Variants in DOCK3 observed in about 807,000 individuals in gnomAD.
DOCK3 encodes the protein dedicator of cytokinesis 3.
A neutral mutation model predicts 265.6 loss-of-function variants in DOCK3; 60 were observed. That is an observed-to-expected ratio of 0.23 (90% CI 0.18 to 0.28). The LOEUF (loss-of-function observed/expected upper bound fraction) is 0.28. Among genes scored for constraint, DOCK3 ranks in the 10% least tolerant of loss-of-function variants. The pLI is 1.00. For missense variants in DOCK3, 1,981 were observed against 2,594.3 expected, an observed-to-expected ratio of 0.76 and a Z score of 5.14; for synonymous variants, 881 against 938.0, an observed-to-expected ratio of 0.94 and a Z score of 1.11.
chr3:51,095,605 CCCT>C (rs2082812200), intron 9 of DOCK3, among the ~76,000 whole-genome samples: 1 of 151,830 alleles, frequency 6.6e-6, no homozygotes, highest in African/African-American at 2.4e-5. Context: ...CAAAATGCAG[CCCT>C]TTTAACATTT....
intron 14 of DOCK3, among the ~76,000 whole-genome samples, chr3:51,218,785 G>C (rs1394549595): frequency 6.6e-6 from 1 of 152,118 alleles, no homozygotes; most frequent in South Asian, 2.1e-4. Flanking sequence ...TCCTAAAGCA[G>C]TGGTTGCCGA....
rs188095895 is a variant in DOCK3 at position 50,951,522 on chromosome 3, A to C, written c.315+17445A>C. On this transcript the variant is annotated intron_variant, in intron 5 of 52. Coordinates refer to ENST00000266037, the MANE Select transcript of DOCK3 (RefSeq NM_004947.5). The stretch of plus-strand genomic sequence containing the variant: ...CAATATCAATGTAAAAATGATATTG[A>C]AATCTTGATTTACAGGCAAGCATTT... 5.5e-3 allele frequency among the ~76,000 whole-genome samples: 837 copies of C among 152,296 alleles called. 3 individuals are homozygous for C. The highest frequency in any genetic ancestry group is 0.01 in the Middle Eastern group (3 of 294).
intron 27 of DOCK3, among the ~76,000 whole-genome samples, chr3:51,281,752 T>C (rs2081130427): frequency 6.6e-6 from 1 of 152,200 alleles, no homozygotes; most frequent in Non-Finnish European, 1.5e-5. Flanking sequence ...GGCAGGGCTT[T>C]CTCTAGCAGG....
chr3:50,690,843 A>G (rs1038204782), intron 1 of DOCK3, among the ~76,000 whole-genome samples: 10 of 151,502 alleles, frequency 6.6e-5, no homozygotes, highest in Admixed American at 2.0e-4. Flanking sequence ...GGGTTTCACT[A>G]TGTTCGCCAA....
chr3:50,932,711 G>T (rs2051135586), intron 4 of DOCK3, among the ~76,000 whole-genome samples: 1 of 152,066 alleles, frequency 6.6e-6, no homozygotes, highest in African/African-American at 2.4e-5. Flanking sequence ...TTTCTCGTTT[G>T]CAGGTGGCAC....
chr3:50,959,208 T>G (rs1310510296), intron 5 of DOCK3, among the ~76,000 whole-genome samples: 1 of 152,230 alleles, frequency 6.6e-6, no homozygotes, highest in Non-Finnish European at 1.5e-5. Flanking sequence ...TTGCATTTAT[T>G]GATGAATGGG....
intron 21 of DOCK3, among the ~76,000 whole-genome samples, chr3:51,246,385 A>G (rs886484492): frequency 9.9e-5 from 15 of 152,046 alleles, no homozygotes; most frequent in Non-Finnish European, 1.8e-4. Flanking sequence ...GGCACGCACC[A>G]CCATGCCTGG....
chr3:51,178,126 A>G (rs913213908), intron 12 of DOCK3, among the ~76,000 whole-genome samples: 2 of 152,188 alleles, frequency 1.3e-5, no homozygotes, highest in Non-Finnish European at 1.5e-5. Flanking sequence ...GGCTAAGTAT[A>G]ATCAAATACA....
chr3:50,827,906 T>C (rs1242098590), intron 2 of DOCK3, among the ~76,000 whole-genome samples: 1 of 152,162 alleles, frequency 6.6e-6, no homozygotes, highest in Non-Finnish European at 1.5e-5. Context: ...TTACAGTGTT[T>C]TGCTTTTCCC....
intron 27 of DOCK3, among the ~76,000 whole-genome samples, chr3:51,299,571 T>A (rs1029009710): frequency 2.0e-5 from 3 of 152,206 alleles, no homozygotes; most frequent in Admixed American, 6.5e-5. Context: ...AAGTCTTTGA[T>A]CCATCTTCAA....
chr3:51,245,561 T>C (rs2078799521), intron 21 of DOCK3, among the ~76,000 whole-genome samples: 1 of 151,800 alleles, frequency 6.6e-6, no homozygotes, highest in South Asian at 2.1e-4. Context: ...CAGCTAATTT[T>C]TTTGTATTTT....
chr3:51,158,559 A>G (rs961085698), intron 10 of DOCK3, among the ~76,000 whole-genome samples: 14 of 151,098 alleles, frequency 9.3e-5, no homozygotes, highest in Admixed American at 8.4e-4. Flanking sequence ...AAAAGGAAGA[A>G]AGAAAGAAAG....
At chr3:51,163,911 T>G (rs879440950) in intron 12 of DOCK3, among the ~76,000 whole-genome samples, 5 of 152,174 alleles carry the variant, frequency 3.3e-5, no homozygotes, top group Admixed American at 2.0e-4. Context: ...AAAAATTTAT[T>G]TAAATTATTC....
intron 5 of DOCK3, among the ~76,000 whole-genome samples, chr3:51,002,753 C>T (rs576610841): frequency 4.6e-5 from 7 of 152,168 alleles, no homozygotes; most frequent in South Asian, 2.1e-4. Context: ...CTTGTTTATT[C>T]CCTTGTCATT....
chr3:51,333,713 A>G (rs1376865154), intron 35 of DOCK3, among the ~76,000 whole-genome samples: 2 of 152,154 alleles, frequency 1.3e-5, no homozygotes, highest in Admixed American at 6.5e-5. Context: ...TAGGGACCCC[A>G]CTTTTCAATG....
At chr3:51,339,769 C>T (rs1050940094) in intron 37 of DOCK3, among the ~76,000 whole-genome samples, 9 of 152,176 alleles carry the variant, frequency 5.9e-5, no homozygotes, top group Non-Finnish European at 1.2e-4. Flanking sequence ...CCATTTTCTC[C>T]ACTGTGGTGA....
At position 51,356,107 on chromosome 3, in the gene DOCK3, T is replaced by A; in HGVS notation, c.4268T>A (p.Val1423Glu). 1 of 1,613,992 alleles carries A rather than the reference T, an allele frequency of 6.2e-7. No individual in the cohort carries two copies. Among genetic ancestry groups the A allele is most frequent in the Non-Finnish European group, 8.5e-7 (1 of 1,179,878 alleles). Residue 1423 changes from valine (V) to glutamate (E), a missense_variant, in exon 42 of 53, where the codon GTG becomes GAG. Val to Glu is a moderately radical substitution (Grantham distance 121). Around this residue, in one of 4 missense-constraint regions of DOCK3, gnomAD observed 1,357 missense variants for 1,866.8 expected, o/e 0.73. Transcript: ENST00000266037. ...CDAQYLQIYA[V>E]TPIPDYVDVL... ...TGCCCAGACTTGCAGATCTATGCAG[T>A]GACGCCCATTCCAGATTATGTGGAT...
At chr3:50,907,904 T>C (rs1026499820) in intron 4 of DOCK3, among the ~76,000 whole-genome samples, 1 of 152,026 alleles carries the variant, frequency 6.6e-6, no homozygotes, top group African/African-American at 2.4e-5. Flanking sequence ...CAGAGCTTGT[T>C]GTTGGTCTAT....
In DOCK3 at chr3:51,277,604, C is replaced by G; in HGVS notation, c.2677-4C>G. ...ATGGTGTGCTCTCTTGCTGCTCGCTCCAGGAGGCAGATGTCATGGAGGAAG... is the reference window on the plus strand; with the variant it reads ...ATGGTGTGCTCTCTTGCTGCTCGCTGCAGGAGGCAGATGTCATGGAGGAAG... On this transcript the variant is annotated splice_polypyrimidine_tract_variant and splice_region_variant and intron_variant, in intron 25 of 52. Coordinates refer to ENST00000266037, the MANE Select transcript of DOCK3 (RefSeq NM_004947.5). The G allele has an allele frequency of 6.5e-7, 1 of 1,536,520 alleles. No homozygotes were observed. Among genetic ancestry groups the G allele is most frequent in the South Asian group, 1.3e-5 (1 of 79,184 alleles).
Sources: gnomAD v4.1 joint callset for allele counts (sites outside exome capture counted in the v4.1 genomes callset) on GRCh38, gnomAD v4.1.1 for gene constraint, gnomAD v4.1.1 regional missense constraint, MANE v1.5 for transcripts, NCBI Gene and HGNC (gene_info 2026-07-23, HGNC 2026-07-21) for gene names.